EEPD1: variants seen among roughly 807,000 people sequenced by gnomAD.
EEPD1 encodes endonuclease/exonuclease/phosphatase family domain containing 1.
A neutral mutation model predicts 46.3 loss-of-function variants in EEPD1; 17 were observed. The observed-to-expected ratio is 0.37, with a 90% confidence interval of 0.25 to 0.55. The LOEUF is 0.55. Among genes scored for constraint, EEPD1 ranks in the 20% least tolerant of loss-of-function variants. The probability of loss-of-function intolerance (pLI) is 0.83; values close to 1 mark genes in which losing one functional copy is unlikely to be tolerated. For missense variants in EEPD1, 673 were observed against 745.6 expected (o/e 0.90, Z 1.13); for synonymous variants, 313 against 315.6 (o/e 0.99, Z 0.09).
At chr7:36,294,434 AATT>A (rs1787491462) in intron 6 of EEPD1, among the ~76,000 whole-genome samples, 1 of 152,238 alleles carries the variant, frequency 6.6e-6, no homozygotes. Flanking sequence ...AGAGGGGGTT[AATT>A]ATTTGCATGA....
intron 2 of EEPD1, among the ~76,000 whole-genome samples, chr7:36,203,609 G>T (rs1004271789): frequency 1.3e-5 from 2 of 152,200 alleles, no homozygotes; most frequent in African/African-American, 4.8e-5. Flanking sequence ...ATTATCTGCA[G>T]CAGGATAGGA....
chr7:36,287,600 T>G (rs1291836498), intron 5 of EEPD1, 39 bp from the exon 6 acceptor site: 2 of 1,602,080 alleles, frequency 1.2e-6, no homozygotes, highest in Non-Finnish European at 1.7e-6. Context: ...AATATGAGCT[T>G]CTGAGCCTCT....
chr7:36,275,339 T>C (rs1019914077), intron 3 of EEPD1, among the ~76,000 whole-genome samples: 5 of 152,232 alleles, frequency 3.3e-5, no homozygotes, highest in African/African-American at 1.2e-4. Context: ...AGTCCCAGGT[T>C]GCATTTTAAT....
At chr7:36,166,582 AG>A (rs1424256796) in intron 2 of EEPD1, among the ~76,000 whole-genome samples, 1 of 152,124 alleles carries the variant, frequency 6.6e-6, no homozygotes, top group African/African-American at 2.4e-5. Context: ...ACAAAAAAAC[AG>A]GCTTTCTTGT....
intron 2 of EEPD1, among the ~76,000 whole-genome samples, chr7:36,219,035 C>A (rs1786085331): frequency 6.6e-6 from 1 of 151,976 alleles, no homozygotes; most frequent in South Asian, 2.1e-4. Flanking sequence ...GTAGGAAGTT[C>A]CCTGCAGAAA....
At chr7:36,265,174 G>T (rs560197901) in intron 3 of EEPD1, among the ~76,000 whole-genome samples, 68 of 152,334 alleles carry the variant, frequency 4.5e-4, no homozygotes, top group African/African-American at 1.6e-3. Context: ...TTCCCTGAGG[G>T]TCCATGAGTC....
intron 3 of EEPD1, among the ~76,000 whole-genome samples, chr7:36,241,157 A>G (rs1435660319): frequency 6.6e-6 from 1 of 152,122 alleles, no homozygotes; most frequent in African/African-American, 2.4e-5. Flanking sequence ...CATTATGGTT[A>G]TTCATTTTAT....
chr7:36,184,833 C>G (rs1292798012), intron 2 of EEPD1, among the ~76,000 whole-genome samples: 3 of 152,076 alleles, frequency 2.0e-5, no homozygotes, highest in African/African-American at 7.2e-5. Context: ...TGGGTTCAAG[C>G]AATTCTCCTG....
At chr7:36,252,371 T>C (rs1455974662) in intron 3 of EEPD1, among the ~76,000 whole-genome samples, 1 of 152,172 alleles carries the variant, frequency 6.6e-6, no homozygotes, top group Non-Finnish European at 1.5e-5. Context: ...CTATGACTTC[T>C]GTTAGCATCA....
intron 3 of EEPD1, among the ~76,000 whole-genome samples, chr7:36,275,831 A>G (rs1787174613): frequency 6.6e-6 from 1 of 152,082 alleles, no homozygotes; most frequent in South Asian, 2.1e-4. Context: ...AAGAGGGAGG[A>G]GCCAAAGTAG....
intron 6 of EEPD1, among the ~76,000 whole-genome samples, chr7:36,289,573 C>G (rs914473769): frequency 2.0e-5 from 3 of 152,230 alleles, no homozygotes; most frequent in Admixed American, 2.0e-4. Flanking sequence ...CGGCTCACTG[C>G]AAGCTCCGCC....
At chr7:36,202,698 C>T (rs1033644132) in intron 2 of EEPD1, among the ~76,000 whole-genome samples, 6 of 152,160 alleles carry the variant, frequency 3.9e-5, no homozygotes, top group Non-Finnish European at 5.9e-5. Context: ...AAGCCATGTG[C>T]TTTATGTTTC....
At chr7:36,179,904 A>T (rs1785243901) in intron 2 of EEPD1, among the ~76,000 whole-genome samples, 1 of 152,056 alleles carries the variant, frequency 6.6e-6, no homozygotes, top group Non-Finnish European at 1.5e-5. Flanking sequence ...TACCTGAGTC[A>T]CCCGAGGAGC....
intron 6 of EEPD1, among the ~76,000 whole-genome samples, chr7:36,291,557 C>A (rs185844833): frequency 6.6e-6 from 1 of 152,198 alleles, no homozygotes. Context: ...ACTGATTTCT[C>A]CATGGTGTGG....
At chr7:36,176,234 A>T (rs965633687) in intron 2 of EEPD1, among the ~76,000 whole-genome samples, 2 of 152,210 alleles carry the variant, frequency 1.3e-5, no homozygotes, top group Non-Finnish European at 2.9e-5. Context: ...TGAAGAGGAT[A>T]AAGCCAGGCC....
chr7:36,287,770 C>A lies in EEPD1; in HGVS notation c.1308C>A (p.Thr436=). ...GCTTTGCACAGACCCTACAGGAAAC[C>A]CTGAAAGGTAGGACATTGTCTTTTG... The part of the protein sequence containing the change: ...LASFAQTLQE[T]LKGEKDVIIL... The change falls in exon 6 of 8, where the codon ACC becomes ACA. Residue 436 remains threonine, a synonymous_variant. Transcript: ENST00000242108. 1 of 1,613,626 alleles carries A rather than the reference C, an allele frequency of 6.2e-7. No homozygotes were observed. Among genetic ancestry groups the A allele is most frequent in the Non-Finnish European group, 8.5e-7 (1 of 1,179,732 alleles).
chr7:36,187,116 A>C (rs897797819), intron 2 of EEPD1, among the ~76,000 whole-genome samples: 11 of 152,104 alleles, frequency 7.2e-5, no homozygotes, highest in Admixed American at 2.6e-4. Flanking sequence ...AGCTCTGTGC[A>C]TTTTGCCCTT....
At chr7:36,209,944 C>T (rs1203513428) in intron 2 of EEPD1, among the ~76,000 whole-genome samples, 1 of 152,016 alleles carries the variant, frequency 6.6e-6, no homozygotes, top group Non-Finnish European at 1.5e-5. Flanking sequence ...TGCTGGTTGG[C>T]TGTGGAGATG....
intron 3 of EEPD1, among the ~76,000 whole-genome samples, chr7:36,277,793 C>G (rs913681841): frequency 6.6e-6 from 1 of 152,050 alleles, no homozygotes; most frequent in Admixed American, 6.6e-5. Flanking sequence ...TCCCTAATAA[C>G]GTAAATACTG....
Sources: gnomAD v4.1 joint callset for allele counts (sites outside exome capture counted in the v4.1 genomes callset) on GRCh38, gnomAD v4.1.1 for gene constraint, MANE v1.5 for transcripts, NCBI Gene and HGNC (gene_info 2026-07-23, HGNC 2026-07-21) for gene names.